Variants in GARNL3 observed in about 807,000 individuals in gnomAD.
The protein encoded by GARNL3 is GTPase-activating Rap/Ran-GAP domain-like protein 3.
Under a neutral mutation model 125.0 loss-of-function variants are expected in GARNL3, and 63 were observed. The ratio of observed to expected loss-of-function variants is 0.50; its 90% CI spans 0.41 to 0.62. GARNL3 has a LOEUF of 0.62. GARNL3 is among the 20% of genes least tolerant of loss of function. The pLI is 0.00. For synonymous variants in GARNL3, 439 were observed against 457.5 expected (o/e 0.96, Z 0.52); for missense variants, 994 against 1,244.0 (o/e 0.80, Z 3.02).
intron 15 of GARNL3, among the ~76,000 whole-genome samples, chr9:127,344,844 T>C (rs1363441556): frequency 6.6e-6 from 1 of 152,132 alleles, no homozygotes; most frequent in Non-Finnish European, 1.5e-5. Context: ...TCACTCCCTT[T>C]GCCCCGCTCG....
chr9:127,358,211 T>TCACTGAACG (rs1424004483), intron 21 of GARNL3, among the ~76,000 whole-genome samples: 2 of 152,238 alleles, frequency 1.3e-5, no homozygotes, highest in Non-Finnish European at 2.9e-5. Context: ...AGCCTGTCTG[T>TCACTGAACG]CACTGGAGAG....
chr9:127,339,547 G>C lies in GARNL3; in HGVS notation c.1029-98G>C, dbSNP rs1829749599. ...TCCCTGGGTCCCACCCATGGCATGTGGGAATTCTGGGAGATACAATTCAAG... is the reference window on the plus strand; with the variant it reads ...TCCCTGGGTCCCACCCATGGCATGTCGGAATTCTGGGAGATACAATTCAAG... On this transcript the variant is annotated intron_variant, in intron 12 of 27. Transcript: ENST00000373387. The C allele has an allele frequency of 8.5e-6, 7 of 827,884 alleles. No individual in the cohort carries two copies. The East Asian group carries it at 1.7e-4, about 20-fold the overall frequency. 51.3% of individuals were successfully genotyped at this position (827,884 alleles called of 1,614,324 possible). A position where few individuals can be genotyped will look rare whatever the true frequency, so the allele number is the denominator to read the frequency against.
intron 2 of GARNL3, among the ~76,000 whole-genome samples, chr9:127,245,955 G>A (rs1033636994): frequency 1.3e-5 from 2 of 152,122 alleles, no homozygotes; most frequent in Non-Finnish European, 1.5e-5. Flanking sequence ...GGGCTTCTCG[G>A]TGCTGTCCAG....
chr9:127,376,367 T>C (rs1202311646), intron 22 of GARNL3, among the ~76,000 whole-genome samples: 4 of 152,074 alleles, frequency 2.6e-5, no homozygotes, highest in East Asian at 1.9e-4. Context: ...TACAGGCGCC[T>C]GCCACCTTGC....
rs150490498 is a variant in GARNL3 at position 127,230,127 on chromosome 9, T to C, written c.-29+5789T>C. Among the ~76,000 whole-genome samples, 22 of 152,322 alleles carry C rather than the reference T, an allele frequency of 1.4e-4. No homozygotes were observed. The East Asian group carries it at 4.2e-3, about 29-fold the overall frequency. On this transcript the variant is annotated intron_variant, in intron 1 of 10. Transcript: ENST00000439286. ...TCATTTTGTAGGAAGGCACATCAGA[T>C]AGTGTTAAAGAACAAGGGCTTTGGA... is the stretch of plus-strand genomic sequence containing the variant.
At chr9:127,310,852 C>T (rs2065075614) in intron 2 of GARNL3, among the ~76,000 whole-genome samples, 1 of 151,990 alleles carries the variant, frequency 6.6e-6, no homozygotes, top group Non-Finnish European at 1.5e-5. Context: ...AGATGGTACC[C>T]TCAGCCATTG....
chr9:127,302,219 G>A (rs1371562066), intron 2 of GARNL3, among the ~76,000 whole-genome samples: 1 of 152,042 alleles, frequency 6.6e-6, no homozygotes, highest in African/African-American at 2.4e-5. Flanking sequence ...TTGGATTACA[G>A]GCTTGAGCCA....
At chr9:127,343,749 C>A (rs1829991156) in intron 14 of GARNL3, among the ~76,000 whole-genome samples, 1 of 152,190 alleles carries the variant, frequency 6.6e-6, no homozygotes, top group Non-Finnish European at 1.5e-5. Flanking sequence ...TCATTTAAAC[C>A]TCATAACACA....
chr9:127,365,536 C>T (rs1027258314), intron 22 of GARNL3, among the ~76,000 whole-genome samples, 170 bp downstream of exon 22: 2 of 152,064 alleles, frequency 1.3e-5, no homozygotes, highest in African/African-American at 2.4e-5. Flanking sequence ...TCTCCCGCTG[C>T]GCACCAGGCC....
chr9:127,275,565 A>G (rs185783021), intron 1 of GARNL3, among the ~76,000 whole-genome samples: 1 of 152,338 alleles, frequency 6.6e-6, no homozygotes, highest in East Asian at 1.9e-4. Flanking sequence ...TCCATGGGTT[A>G]GAAGAGCTTT....
chr9:127,232,408 G>A lies in GARNL3; in HGVS notation c.-29+8070G>A, dbSNP rs76287196. ...ACTGCAGCCTTGAACTCCTGGGCTC[G>A]ATGATCCTCCTGCCTCAGCCTCCTG... is the stretch of plus-strand genomic sequence containing the variant. On this transcript the variant is annotated intron_variant, in intron 1 of 10. Transcript: ENST00000439286. Among the ~76,000 whole-genome samples, 903 of 152,170 alleles carry A rather than the reference G, an allele frequency of 5.9e-3. 6 individuals are homozygous for A. The highest frequency in any genetic ancestry group is 0.013 in the South Asian group (61 of 4,816).
intron 1 of GARNL3, among the ~76,000 whole-genome samples, chr9:127,272,980 T>C (rs921878773): frequency 6.6e-6 from 1 of 152,200 alleles, no homozygotes; most frequent in Non-Finnish European, 1.5e-5. Context: ...TCTTTTATTA[T>C]GGTTATTATT....
chr9:127,363,598 C>T (rs1269617699), intron 21 of GARNL3: 2 of 152,632 alleles, frequency 1.3e-5, no homozygotes, highest in South Asian at 4.1e-4. Context: ...AAGGGTCAGC[C>T]AGTGCAGGGC....
chr9:127,354,660 C>A (rs541305079), intron 19 of GARNL3, among the ~76,000 whole-genome samples: 1 of 152,324 alleles, frequency 6.6e-6, no homozygotes, highest in South Asian at 2.1e-4. Context: ...ATTAGCAAAT[C>A]TATTACTGAA....
chr9:127,336,138 A>G lies in GARNL3; in HGVS notation c.884A>G (p.Lys295Arg). The change falls in exon 11 of 28, where the codon AAA becomes AGA. Residue 295 changes from lysine (K) to arginine (R), a missense_variant. Lys to Arg is a conservative substitution (Grantham distance 26, BLOSUM62 2). This residue lies in a region of GARNL3 where 19 missense variants were observed against 46.4 expected (regional missense o/e 0.41). Coordinates refer to ENST00000373387, the MANE Select transcript of GARNL3 (RefSeq NM_032293.5). The part of the protein sequence containing the change: ...SKENKQQVER[K>R]RHIGNDIVTI... ...TTATGCTCACTACAGGTGGAAAGGA[A>G]ACGCCACATTGGAAACGATATCGTC... The G allele has an allele frequency of 6.2e-7, 1 of 1,613,300 alleles. No homozygotes were observed. The highest frequency in any genetic ancestry group is 8.5e-7 in the Non-Finnish European group (1 of 1,179,286).
chr9:127,285,305 C>T (rs1468329037), intron 1 of GARNL3, among the ~76,000 whole-genome samples: 1 of 152,110 alleles, frequency 6.6e-6, no homozygotes, highest in Non-Finnish European at 1.5e-5. Context: ...ATGGTGCATG[C>T]CTGTAATCGC....
intron 2 of GARNL3, among the ~76,000 whole-genome samples, chr9:127,304,459 T>C (rs1188464630): frequency 6.6e-6 from 1 of 151,966 alleles, no homozygotes; most frequent in Non-Finnish European, 1.5e-5. Flanking sequence ...TGTCACCGGA[T>C]GTATACCCAA....
intron 2 of GARNL3, among the ~76,000 whole-genome samples, chr9:127,298,063 A>G (rs1279214674): frequency 6.6e-6 from 1 of 152,236 alleles, no homozygotes; most frequent in East Asian, 1.9e-4. Context: ...AAAAACCTCT[A>G]GCCTCTCTGA....
Position 127,357,244 on chromosome 9 carries a change from T to C in GARNL3, c.1961T>C (p.Met654Thr). The C allele has an allele frequency of 6.2e-7, 1 of 1,614,232 alleles. No homozygotes were observed. The highest frequency in any genetic ancestry group is 1.1e-5 in the South Asian group (1 of 91,086). Residue 654 changes from methionine to threonine, a missense_variant, in exon 21 of 28, where the codon ATG (methionine) becomes ACG (threonine). Met to Thr is a moderately conservative substitution (Grantham distance 81). Around this residue, in one of 5 missense-constraint regions of GARNL3, gnomAD observed 728 missense variants for 865.7 expected, o/e 0.84. Transcript: ENST00000373387. The part of the protein sequence containing the change: ...IREICLSDSP[M>T]VMTLVDGPAE... The stretch of plus-strand genomic sequence containing the variant: ...GAGATCTGTCTGTCTGACTCTCCCA[T>C]GGTGATGACCTTAGTGGATGGGCCA...
Sources: allele counts gnomAD v4.1 joint callset (sites outside exome capture counted in the v4.1 genomes callset), GRCh38; gene constraint gnomAD v4.1.1; regional missense constraint gnomAD v4.1.1; transcripts MANE v1.5; gene names NCBI Gene and HGNC (gene_info 2026-07-23, HGNC 2026-07-21).